The following DLK1 variants were observed in gnomAD, a reference collection of about 807,000 sequenced individuals.
The protein encoded by DLK1 is protein delta homolog 1.
DLK1 carries 9 observed loss-of-function variants against 35.2 expected under a neutral mutation model. The observed-to-expected ratio is 0.26, with a 90% CI of 0.15 to 0.45. The LOEUF is 0.45. Among genes scored for constraint, DLK1 ranks in the 20% least tolerant of loss-of-function variants. The pLI is 1.00. For missense variants in DLK1, 522 were observed against 528.5 expected, an observed-to-expected ratio of 0.99 and a Z score of 0.12; for synonymous variants, 231 against 228.4, an observed-to-expected ratio of 1.01 and a Z score of -0.10.
In DLK1 at chr14:100,734,735, G is replaced by A. The variant is rs759953560; in HGVS notation, c.991G>A (p.Glu331Lys). The A allele has an allele frequency of 3.1e-6, 5 of 1,614,078 alleles. No individual in the cohort carries two copies. The highest frequency in any genetic ancestry group is 2.2e-5 in the East Asian group (1 of 44,884). ...TVGIVFLNKC[E>K]TWVSNLRYNH... ...GGGTATCGTCTTCCTCAACAAGTGCGAGACCTGGGTGTCCAACCTGCGCTA... is the reference window on the plus strand; with the variant it reads ...GGGTATCGTCTTCCTCAACAAGTGCAAGACCTGGGTGTCCAACCTGCGCTA... Residue 331 changes from glutamate (E) to lysine (K), a missense_variant, in exon 5 of 5, where the codon GAG becomes AAG. Glu to Lys is a moderately conservative substitution (Grantham distance 56). Transcript: ENST00000341267. This position sits in a 1 kb window ranked among gnomAD's most constrained non-coding sequence, Gnocchi z 7.4.
At chr14:100,733,037 C>A (rs1308843291) in intron 4 of DLK1, among the ~76,000 whole-genome samples, 2 of 152,152 alleles carry the variant, frequency 1.3e-5, no homozygotes, top group African/African-American at 2.4e-5. Context: ...ACAGAGACCC[C>A]AGTAGTCTGT....
rs1443364636 is a variant in DLK1 at position 100,734,739 on chromosome 14, C to T, written c.995C>T (p.Thr332Ile). ...VGIVFLNKCE[T>I]WVSNLRYNHM... is the part of the protein sequence containing the mutation. ...ATCGTCTTCCTCAACAAGTGCGAGA[C>T]CTGGGTGTCCAACCTGCGCTACAAC... The change falls in exon 5 of 5, where the codon ACC becomes ATC. Residue 332 changes from threonine (T) to isoleucine (I), a missense_variant. Physicochemically the swap from Thr to Ile is moderately conservative, Grantham distance 89. Transcript: ENST00000341267. This position sits in a 1 kb window ranked among gnomAD's most constrained non-coding sequence, Gnocchi z 7.4. 7.4e-6 allele frequency: 12 copies of T among 1,613,964 alleles called. No individual in the cohort carries two copies. In the East Asian group the frequency reaches 2.4e-4, roughly 33 times the overall value.
At position 100,735,014 on chromosome 14, in the gene DLK1, C is replaced by T. The variant is rs2139865940; in HGVS notation, c.*118C>T. ...TGTGTCAAATCTGGTGAACGCTACG[C>T]TTACATATATTGTCTTTGTGCTGCT... On this transcript the variant is annotated 3_prime_UTR_variant, in exon 5 of 5. Coordinates refer to ENST00000341267, the MANE Select transcript of DLK1 (RefSeq NM_003836.7). The T allele has an allele frequency of 7.3e-7, 1 of 1,372,092 alleles. No homozygotes were observed. The highest frequency in any genetic ancestry group is 2.3e-5 in the East Asian group (1 of 42,778). 85.0% of individuals were successfully genotyped at this position (1,372,092 alleles called of 1,614,324 possible).
At position 100,734,448 on chromosome 14, in the gene DLK1, G is replaced by A; in HGVS notation, c.704G>A (p.Cys235Tyr). ...QHTQVSYECL[C>Y]KPEFTGLTCV... The stretch of plus-strand genomic sequence containing the variant: ...ACCCAGGTGAGCTACGAGTGTCTGT[G>A]CAAGCCCGAGTTCACAGGTCTCACC... Residue 235 changes from cysteine to tyrosine, a missense_variant, in exon 5 of 5, where the codon TGC becomes TAC. Physicochemically the swap from Cys to Tyr is radical, Grantham distance 194 (BLOSUM62 -2). Transcript: ENST00000341267. This position sits in a 1 kb window ranked among gnomAD's most constrained non-coding sequence, Gnocchi z 7.4. 6.2e-7 allele frequency: 1 copy of A among 1,612,100 alleles called. No individual in the cohort carries two copies. Among genetic ancestry groups the A allele is most frequent in the South Asian group, 1.1e-5 (1 of 91,032 alleles).
rs546409915 is a variant in DLK1, at chr14:100,730,732, C to T, written c.263-1310C>T. ...CGGGTGCAGAGAATAAGGAGCCTGA[C>T]GCGGAGGCGCCACGTGCTAATGCCT... On this transcript the variant is annotated intron_variant, in intron 3 of 4. Transcript: ENST00000341267. Among the ~76,000 whole-genome samples the T allele has an allele frequency of 1.7e-4, 26 of 152,314 alleles. No homozygotes were observed. The South Asian group carries it at 1.9e-3, about 11-fold the overall frequency.
chr14:100,727,608 G>T (rs896612937), intron 1 of DLK1, among the ~76,000 whole-genome samples: 2 of 152,258 alleles, frequency 1.3e-5, no homozygotes, highest in Non-Finnish European at 1.5e-5. Flanking sequence ...TAGGTGAGGG[G>T]CTGCGACACT....
rs748378087 is a variant in DLK1 at position 100,727,149 on chromosome 14, C to T, written c.67+14C>T. 4 of 1,560,768 alleles carry T rather than the reference C, an allele frequency of 2.6e-6. No individual in the cohort carries two copies. In the East Asian group the frequency reaches 7.2e-5, roughly 28 times the overall value. On this transcript the variant is annotated intron_variant, in intron 1 of 4. Transcript: ENST00000341267. ...ACAGCACCTATGGTGAGTTCCCCGG[C>T]GGCCCGGCTCGCGCCCCCTCTGGGG... is the stretch of plus-strand genomic sequence containing the variant.
intron 3 of DLK1, among the ~76,000 whole-genome samples, chr14:100,731,530 G>A (rs995807906): frequency 2.0e-5 from 3 of 152,084 alleles, no homozygotes; most frequent in African/African-American, 4.8e-5. Context: ...GAGGGGGGTC[G>A]TTACATCTCC....
rs1335884055 is a variant in DLK1 at position 100,734,769 on chromosome 14, T to A, written c.1025T>A (p.Met342Lys). Reference protein sequence around the residue: ...TWVSNLRYNHMLRKKKNLLLQ... With the variant: ...TWVSNLRYNHKLRKKKNLLLQ... ...GTGTCCAACCTGCGCTACAACCACA[T>A]GCTGCGGAAGAAGAAGAACCTGCTG... The change falls in exon 5 of 5, where the codon ATG becomes AAG. Residue 342 changes from methionine to lysine, a missense_variant. Physicochemically the swap from Met to Lys is moderately conservative, Grantham distance 95 (BLOSUM62 -1). Coordinates refer to ENST00000341267, the MANE Select transcript of DLK1 (RefSeq NM_003836.7). This position sits in a 1 kb window ranked among gnomAD's most constrained non-coding sequence, Gnocchi z 7.4. 3.7e-6 allele frequency: 6 copies of A among 1,613,896 alleles called. No homozygotes were observed. In the Admixed American group the frequency reaches 1.0e-4, roughly 27 times the overall value.
At chr14:100,733,035 C>CGGA (rs1160172998) in intron 4 of DLK1, among the ~76,000 whole-genome samples, 1 of 152,124 alleles carries the variant, frequency 6.6e-6, no homozygotes, top group Non-Finnish European at 1.5e-5. Flanking sequence ...GCACAGAGAC[C>CGGA]CCAGTAGTCT....
In DLK1 at chr14:100,728,926, C is replaced by A. The variant is rs1353623719; in HGVS notation, c.132-10C>A. On this transcript the variant is annotated splice_polypyrimidine_tract_variant and intron_variant, in intron 2 of 4. Coordinates refer to ENST00000341267, the MANE Select transcript of DLK1 (RefSeq NM_003836.7). ...CATATGTCCCCACCTTTCTCCCCCA[C>A]CCATTGCAGGTGCCAGCCTGGCTGG... 1 of 1,613,180 alleles carries A rather than the reference C, an allele frequency of 6.2e-7. No homozygotes were observed. The highest frequency in any genetic ancestry group is 1.3e-5 in the African/African-American group (1 of 74,920).
In DLK1 at chr14:100,738,104, A is replaced by G. The variant is rs1359548245; in HGVS notation, c.*3208A>G. The G allele has an allele frequency of 6.6e-6, 1 of 152,174 alleles. No homozygotes were observed. Among genetic ancestry groups the G allele is most frequent in the Non-Finnish European group, 1.5e-5 (1 of 68,032 alleles). 9.4% of individuals were successfully genotyped at this position (152,174 alleles called of 1,614,324 possible). On this transcript the variant is annotated 3_prime_UTR_variant, in exon 5 of 5. Transcript: ENST00000341267. ...TTAGGAGAGGAGGAAGAGGAGTATC[A>G]ATTTTGTCACCAAAATGTTAAAAAA...
intron 3 of DLK1, 51 bp from the exon 4 acceptor site, chr14:100,731,991 G>A (rs541285863): frequency 3.8e-6 from 6 of 1,560,052 alleles, no homozygotes; most frequent in East Asian, 4.6e-5. Flanking sequence ...CCCGCATCAC[G>A]CTCGTGTATG....
At chr14:100,729,301 G>A in intron 3 of DLK1, 1 of 721,726 alleles carries the variant, frequency 1.4e-6, no homozygotes, top group South Asian at 1.6e-5. Flanking sequence ...CACCTAGAGG[G>A]AACATGGCGT....
At position 100,732,123 on chromosome 14, in the gene DLK1, G is replaced by C; in HGVS notation, c.344G>C (p.Cys115Ser). The C allele has an allele frequency of 5.6e-6, 9 of 1,614,176 alleles. No homozygotes were observed. Among genetic ancestry groups the C allele is most frequent in the Non-Finnish European group, 5.1e-6 (6 of 1,180,016 alleles). Residue 115 changes from cysteine to serine, a missense_variant, in exon 4 of 5, where the codon TGT becomes TCT. Physicochemically the swap from Cys to Ser is moderately radical, Grantham distance 112. Coordinates refer to ENST00000341267, the MANE Select transcript of DLK1 (RefSeq NM_003836.7). ...SLDDGLYECS[C>S]APGYSGKDCQ... ...GACGATGGCCTCTATGAATGCTCCT[G>C]TGCCCCCGGGTACTCGGGAAAGGAC...
At chr14:100,732,364 A>G (rs944842812) in intron 4 of DLK1, among the ~76,000 whole-genome samples, 181 bp downstream of exon 4, 3 of 152,232 alleles carry the variant, frequency 2.0e-5, no homozygotes, top group Non-Finnish European at 4.4e-5. Flanking sequence ...TGTCATTGCC[A>G]TAATTTTTTC....
rs371457267 is a variant in DLK1 at position 100,727,077 on chromosome 14, G to A, written c.9G>A (p.Ala3=). 7 of 1,589,660 alleles carry A rather than the reference G, an allele frequency of 4.4e-6. No homozygotes were observed. Among genetic ancestry groups the A allele is most frequent in the Non-Finnish European group, 6.0e-6 (7 of 1,169,966 alleles). Residue 3 remains alanine, a synonymous_variant, in exon 1 of 5, where the codon GCG becomes GCA. Coordinates refer to ENST00000341267, the MANE Select transcript of DLK1 (RefSeq NM_003836.7). MT[A]TEALLRVLLL... ...ACCCCGGCCGCCCAGAGATGACCGCGACCGAAGCCCTCCTGCGCGTCCTCT... is the reference window on the plus strand; with the variant it reads ...ACCCCGGCCGCCCAGAGATGACCGCAACCGAAGCCCTCCTGCGCGTCCTCT...
rs1190880554 is a variant in DLK1 at position 100,727,010 on chromosome 14, G to T, written c.-59G>T. On this transcript the variant is annotated 5_prime_UTR_variant, in exon 1 of 5. Transcript: ENST00000341267. ...TCCGCAACCAGAAGCCCAGTGCGGC[G>T]CCAGGAGCCGGACCCGCGCCCGCAC... The T allele has an allele frequency of 4.1e-6, 6 of 1,476,206 alleles. No homozygotes were observed. Among genetic ancestry groups the T allele is most frequent in the Non-Finnish European group, 5.4e-6 (6 of 1,113,172 alleles). The allele number at this position is 1,476,206 out of a possible 1,614,324, so 91.4% of individuals were successfully genotyped here. A position where few individuals can be genotyped will look rare whatever the true frequency, so the allele number is the denominator to read the frequency against.
chr14:100,728,225 C>G (rs1567020259), intron 1 of DLK1, among the ~76,000 whole-genome samples, 171 bp from the exon 2 acceptor site: 1 of 152,100 alleles, frequency 6.6e-6, no homozygotes, highest in Non-Finnish European at 1.5e-5. Flanking sequence ...CCTGAGTGCA[C>G]TGAGCCCCAT....
Sources: gnomAD v4.1 joint callset for allele counts (sites outside exome capture counted in the v4.1 genomes callset) on GRCh38, gnomAD v4.1.1 for gene constraint, Gnocchi (gnomAD v3.1) non-coding constraint, MANE v1.5 for transcripts, NCBI Gene and HGNC (gene_info 2026-07-23, HGNC 2026-07-21) for gene names.